PAPOLG: variants seen among roughly 807,000 people sequenced by gnomAD.
The protein encoded by PAPOLG is poly(A) polymerase gamma.
A neutral mutation model predicts 99.0 loss-of-function variants in PAPOLG; 40 were observed. That is an observed-to-expected ratio of 0.40 (90% CI 0.31 to 0.53). The LOEUF (loss-of-function observed/expected upper bound fraction) is 0.53. PAPOLG is among the 20% of genes least tolerant of loss of function. The pLI is 0.41. For synonymous variants in PAPOLG, 310 were observed against 299.3 expected (o/e 1.04, Z -0.37); for missense variants, 675 against 884.1 (o/e 0.76, Z 3.00).
chr2:60,785,843 T>C (rs1486737711), intron 13 of PAPOLG, among the ~76,000 whole-genome samples: 2 of 152,068 alleles, frequency 1.3e-5, no homozygotes, highest in African/African-American at 2.4e-5. Context: ...TAGCCTAGCC[T>C]TAGGTTTGAG....
At position 60,781,929 on chromosome 2, in the gene PAPOLG, T is replaced by C; in HGVS notation, c.951T>C (p.Pro317=). Residue 317 remains proline, a synonymous_variant, in exon 11 of 22, where the codon CCT becomes CCC. Coordinates refer to ENST00000238714, the MANE Select transcript of PAPOLG (RefSeq NM_022894.4). Reference sequence around the variant, plus strand: ...ATCATCTCATGCCCATAATCACCCCTGCCTACCCACAACAGAATTCTACGT... The same window carrying C: ...ATCATCTCATGCCCATAATCACCCCCGCCTACCCACAACAGAATTCTACGT... ...DRYHLMPIIT[P]AYPQQNSTYN... is the part of the protein sequence containing the mutation. The C allele has an allele frequency of 6.2e-7, 1 of 1,613,898 alleles. No individual in the cohort carries two copies. Among genetic ancestry groups the C allele is most frequent in the East Asian group, 2.2e-5 (1 of 44,864 alleles).
In PAPOLG at chr2:60,756,420, C is replaced by T; in HGVS notation, c.-59C>T. ...GAAAGTGAACAGGGGGAGAAGGGAA[C>T]AGCAAGAACAGGACTCCAGAGCGAT... On this transcript the variant is annotated 5_prime_UTR_variant, in exon 1 of 22. Coordinates refer to ENST00000238714, the MANE Select transcript of PAPOLG (RefSeq NM_022894.4). 6.2e-7 allele frequency: 1 copy of T among 1,611,688 alleles called. No homozygotes were observed. Among genetic ancestry groups the T allele is most frequent in the Non-Finnish European group, 8.5e-7 (1 of 1,178,316 alleles).
intron 1 of PAPOLG, among the ~76,000 whole-genome samples, chr2:60,758,695 C>A (rs1418912950): frequency 6.6e-6 from 1 of 152,062 alleles, no homozygotes; most frequent in African/African-American, 2.4e-5. Context: ...TCCCAGAGTA[C>A]TGGGATTACA....
chr2:60,760,091 T>C, intron 1 of PAPOLG, 43 bp from the exon 2 acceptor site: 1 of 1,579,278 alleles, frequency 6.3e-7, no homozygotes, highest in Non-Finnish European at 8.6e-7. Flanking sequence ...GTATGGTATA[T>C]ACTTTAAATT....
chr2:60,783,997 G>A (rs936837352), intron 13 of PAPOLG, among the ~76,000 whole-genome samples: 11 of 151,898 alleles, frequency 7.2e-5, no homozygotes, highest in African/African-American at 1.9e-4. Flanking sequence ...ATTTTGAGAC[G>A]GAGTCTCGCT....
chr2:60,791,902 C>T lies in PAPOLG; in HGVS notation c.1518+20C>T, dbSNP rs761940674. ...AAAAAGGTGAGTTTATAATCTTAAC[C>T]CTTCAGTATGGTTTTACTCAGACAA... is the stretch of plus-strand genomic sequence containing the variant. On this transcript the variant is annotated intron_variant, in intron 16 of 21. Transcript: ENST00000238714. 3 of 1,607,160 alleles carry T rather than the reference C, an allele frequency of 1.9e-6. No individual in the cohort carries two copies. The South Asian group carries it at 3.3e-5, about 18-fold the overall frequency.
At chr2:60,791,088 CA>C (rs60761169) in intron 15 of PAPOLG, among the ~76,000 whole-genome samples, 167 of 135,270 alleles carry the variant, frequency 1.2e-3, no homozygotes, top group Admixed American at 1.6e-3. Flanking sequence ...GAGTCTGTGT[CA>C]AAAAAAAAAA....
chr2:60,797,270 C>G lies in PAPOLG; in HGVS notation c.*110C>G. On this transcript the variant is annotated 3_prime_UTR_variant, in exon 22 of 22. Transcript: ENST00000238714. ...CATACGTGAAATAAGGTGAAAGTGA[C>G]AGCCTTCAGTCTAATAACCTTGAAG... is the stretch of plus-strand genomic sequence containing the variant. The G allele has an allele frequency of 1.5e-6, 2 of 1,359,510 alleles. No homozygotes were observed. Among genetic ancestry groups the G allele is most frequent in the Non-Finnish European group, 2.1e-6 (2 of 970,962 alleles). The allele number at this position is 1,359,510 out of a possible 1,614,324, so 84.2% of individuals were successfully genotyped here. A position where few individuals can be genotyped will look rare whatever the true frequency, so the allele number is the denominator to read the frequency against.
chr2:60,793,904 A>C, intron 18 of PAPOLG, 67 bp from the exon 19 acceptor site: 2 of 1,507,740 alleles, frequency 1.3e-6, no homozygotes, highest in Non-Finnish European at 1.8e-6. Flanking sequence ...GGAATGAGAG[A>C]CCCTGTCTCA....
At chr2:60,783,982 T>A (rs190377229) in intron 13 of PAPOLG, among the ~76,000 whole-genome samples, 1 of 152,298 alleles carries the variant, frequency 6.6e-6, no homozygotes, top group Non-Finnish European at 1.5e-5. Flanking sequence ...TTGTTTTTAT[T>A]TTTTATTTTG....
At chr2:60,794,581 C>A in intron 19 of PAPOLG, 129 bp from the exon 20 acceptor site, 1 of 759,472 alleles carries the variant, frequency 1.3e-6, no homozygotes. Context: ...AAATTATCTT[C>A]TCTTACCAAT....
At chr2:60,781,050 T>A (rs1324041835) in intron 10 of PAPOLG, among the ~76,000 whole-genome samples, 1 of 152,092 alleles carries the variant, frequency 6.6e-6, no homozygotes, top group Non-Finnish European at 1.5e-5. Context: ...GTGGAAAAAA[T>A]GTCTCAAAAG....
chr2:60,762,786 C>T (rs1049691864), intron 3 of PAPOLG, among the ~76,000 whole-genome samples: 3 of 151,902 alleles, frequency 2.0e-5, no homozygotes, highest in African/African-American at 4.8e-5. Flanking sequence ...ACCACCACAC[C>T]GGGCTAATTT....
At chr2:60,796,495 G>A (rs1025658566) in intron 21 of PAPOLG, among the ~76,000 whole-genome samples, 1 of 151,878 alleles carries the variant, frequency 6.6e-6, no homozygotes, top group Non-Finnish European at 1.5e-5. Context: ...CCCTCAAACC[G>A]ATGTCCCTGA....
At chr2:60,765,043 T>C (rs1558679347) in intron 3 of PAPOLG, among the ~76,000 whole-genome samples, 1 of 152,154 alleles carries the variant, frequency 6.6e-6, no homozygotes, top group African/African-American at 2.4e-5. Flanking sequence ...GTCATTTTTC[T>C]TTGTGAATTG....
intron 7 of PAPOLG, among the ~76,000 whole-genome samples, chr2:60,772,980 C>T (rs1014070749): frequency 2.0e-5 from 3 of 151,978 alleles, no homozygotes; most frequent in African/African-American, 7.3e-5. Context: ...GGCTGGAGTG[C>T]GATGGCGCGA....
At chr2:60,761,910 C>T in intron 3 of PAPOLG, 103 bp downstream of exon 3, 2 of 841,416 alleles carry the variant, frequency 2.4e-6, no homozygotes, top group Middle Eastern at 2.4e-4. Context: ...TACATCAAAG[C>T]TTGGCTCTCT....
chr2:60,794,795 G>A lies in PAPOLG; in HGVS notation c.2055+20G>A. ...TCAGTGGTAAATATATTAATAGTGT[G>A]CTTCAGAATATTTATTGTAAAGCGC... is the stretch of plus-strand genomic sequence containing the variant. On this transcript the variant is annotated intron_variant, in intron 20 of 21. Transcript: ENST00000238714. The A allele has an allele frequency of 6.3e-7, 1 of 1,575,266 alleles. No homozygotes were observed. Among genetic ancestry groups the A allele is most frequent in the African/African-American group, 1.3e-5 (1 of 74,092 alleles).
At chr2:60,758,871 T>G (rs144384131) in intron 1 of PAPOLG, among the ~76,000 whole-genome samples, 142 of 152,358 alleles carry the variant, frequency 9.3e-4, no homozygotes, top group African/African-American at 3.3e-3. Flanking sequence ...TTTATTCAAC[T>G]TGAAAGATTG....
Sources: allele counts gnomAD v4.1 joint callset (sites outside exome capture counted in the v4.1 genomes callset), GRCh38; gene constraint gnomAD v4.1.1; transcripts MANE v1.5; gene names NCBI Gene and HGNC (gene_info 2026-07-23, HGNC 2026-07-21).